TET2: variants seen among roughly 807,000 people sequenced by gnomAD.
TET2 encodes tet methylcytosine dioxygenase 2.
Under a neutral mutation model 142.9 loss-of-function variants are expected in TET2, and 299 were observed. The observed-to-expected ratio is 2.09, with a 90% CI of 1.90 to 2.30. TET2 has a LOEUF of 2.30. TET2 is among the 30% of genes most tolerant of loss of function. The pLI is 0.00. For synonymous variants in TET2, 819 were observed against 849.0 expected (o/e 0.96, Z 0.61); for missense variants, 2,418 against 2,378.0 (o/e 1.02, Z -0.35).
chr4:105,276,839 C>T lies in TET2; in HGVS notation c.*320C>T, dbSNP rs1486754240. On this transcript the variant is annotated 3_prime_UTR_variant, in exon 11 of 11. Coordinates refer to ENST00000380013, the MANE Select transcript of TET2 (RefSeq NM_001127208.3). ...GGACGAGATGATATGTAAATGTGATCCCCCCCCCCCGCTTACAACTCTACA... is the reference window on the plus strand; with the variant it reads ...GGACGAGATGATATGTAAATGTGATTCCCCCCCCCCGCTTACAACTCTACA... 6.1e-4 allele frequency: 34 copies of T among 55,854 alleles called. No homozygotes were observed. The highest frequency in any genetic ancestry group is 1.6e-3 in the African/African-American group (17 of 10,666). The allele number at this position is 55,854 out of a possible 1,614,324, so 3.5% of individuals were successfully genotyped here. A position where few individuals can be genotyped will look rare whatever the true frequency, so the allele number is the denominator to read the frequency against.
rs201304554 is a variant in TET2, at chr4:105,236,674, C to A, written c.2732C>A (p.Ala911Asp). The change falls in exon 3 of 11, where the codon GCT becomes GAT. Residue 911 changes from alanine to aspartate, a missense_variant. By Grantham distance (126) the Ala-to-Asp change is moderately radical (BLOSUM62 -2). Transcript: ENST00000380013. ...NRNQDMSGQQ[A>D]AQLAQQRYLI... ...AACCAAGATATGTCTGGTCAACAAG[C>A]TGCGCAACTTGCTCAGCAAAGGTAC... 83 of 1,614,076 alleles carry A rather than the reference C, an allele frequency of 5.1e-5. 1 individual carries two copies. The Admixed American group carries it at 1.4e-3, about 27-fold the overall frequency.
intron 2 of TET2, among the ~76,000 whole-genome samples, chr4:105,199,513 T>A (rs984817261): frequency 6.6e-6 from 1 of 152,236 alleles, no homozygotes; most frequent in Non-Finnish European, 1.5e-5. Context: ...TGGAAATCTT[T>A]TTCCATACCA....
At chr4:105,251,480 A>G (rs149162128) in intron 6 of TET2, among the ~76,000 whole-genome samples, 1 of 152,218 alleles carries the variant, frequency 6.6e-6, no homozygotes, top group Admixed American at 6.5e-5. Flanking sequence ...GGCTACATCT[A>G]ATGAAATGAT....
At chr4:105,158,261 A>G (rs977320817) in intron 1 of TET2, among the ~76,000 whole-genome samples, 3 of 151,972 alleles carry the variant, frequency 2.0e-5, no homozygotes, top group Non-Finnish European at 2.9e-5. Context: ...TTTTTTTTGC[A>G]TTGTTATAAT....
chr4:105,206,410 T>C (rs578060648), intron 2 of TET2, among the ~76,000 whole-genome samples: 11 of 152,354 alleles, frequency 7.2e-5, no homozygotes, highest in African/African-American at 2.6e-4. Context: ...GACAGTGACC[T>C]ACTGTTGAGT....
chr4:105,223,528 A>C (rs375271167), intron 2 of TET2, among the ~76,000 whole-genome samples: 1 of 152,186 alleles, frequency 6.6e-6, no homozygotes. Flanking sequence ...TAATAGATAC[A>C]GAAGATAAGA....
intron 8 of TET2, among the ~76,000 whole-genome samples, chr4:105,264,148 G>A (rs1730580097): frequency 6.7e-6 from 1 of 150,184 alleles, no homozygotes; most frequent in Non-Finnish European, 1.5e-5. Flanking sequence ...ATTAAACGAT[G>A]GTCTATTTGT....
Position 105,275,517 on chromosome 4 carries a change from GCTCAGTCTACCACCCATCCATACACT to G in TET2, c.5008_5033del (p.Ser1671ProfsTer7). On this transcript the variant is annotated frameshift_variant, in exon 11 of 11. Transcript: ENST00000380013. LOFTEE classifies it low-confidence loss of function (END_TRUNC). ...ATCCAAGCCAAGACCCTCTGTCTAA[GCTCAGTCTACCACCCATCCATACACT>G]TTACCAGCCAAGGTTTGGAAATAGC... 1 of 1,551,654 alleles carries G rather than the reference GCTCAGTCTACCACCCATCCATACACT, an allele frequency of 6.4e-7. No homozygotes were observed. Among genetic ancestry groups the G allele is most frequent in the Non-Finnish European group, 8.7e-7 (1 of 1,146,980 alleles).
chr4:105,147,219 C>T (rs142376832), intron 1 of TET2, among the ~76,000 whole-genome samples: 1 of 152,254 alleles, frequency 6.6e-6, no homozygotes, highest in East Asian at 1.9e-4. Context: ...AATGCTCGTC[C>T]CCTCATCTCC....
rs1373684909 is a variant in TET2, at chr4:105,236,616, C to G, written c.2674C>G (p.Gln892Glu). 1.2e-6 allele frequency: 2 copies of G among 1,614,090 alleles called. No homozygotes were observed. Among genetic ancestry groups the G allele is most frequent in the Non-Finnish European group, 1.7e-6 (2 of 1,180,008 alleles). ...CFQEQEQKSQ[Q>E]ASVLQGYKNR... ...TCAAGAACAGGAGCAGAAGTCACAA[C>G]AAGCTTCAGTTCTACAGGGATATAA... The change falls in exon 3 of 11, where the codon CAA becomes GAA. Residue 892 changes from glutamine (Q) to glutamate (E), a missense_variant. Gln to Glu is a conservative substitution (Grantham distance 29). Transcript: ENST00000380013.
Position 105,241,361 on chromosome 4 carries a change from A to G in TET2, c.3432A>G (p.Glu1144=), listed in dbSNP as rs777286235. 6.5e-7 allele frequency: 1 copy of G among 1,546,658 alleles called. No homozygotes were observed. The highest frequency in any genetic ancestry group is 8.7e-7 in the Non-Finnish European group (1 of 1,144,906). The change falls in exon 4 of 11, where the codon GAA becomes GAG. Residue 1144 remains glutamate (E), a synonymous_variant. Transcript: ENST00000380013. The part of the protein sequence containing the change: ...RCVEQIIEKD[E]GPFYTHLGAG... ...CAGAGCAAATTATTGAAAAAGATGA[A>G]GGTCCTTTTTATACCCATCTAGGAG...
At chr4:105,150,283 T>G (rs544415077) in intron 1 of TET2, among the ~76,000 whole-genome samples, 1 of 152,372 alleles carries the variant, frequency 6.6e-6, no homozygotes, top group Non-Finnish European at 1.5e-5. Flanking sequence ...TTAGAAAATC[T>G]TAGATCTACT....
rs745592812 is a variant in TET2, at chr4:105,235,898, G to T, written c.1956G>T (p.Gln652His). The T allele has an allele frequency of 6.2e-7, 1 of 1,613,942 alleles. No homozygotes were observed. The highest frequency in any genetic ancestry group is 1.3e-5 in the African/African-American group (1 of 74,930). ...AAGGTACAGTGGACCAACATCTCCA[G>T]TTCCAAAAACCCTCACACCAGGTGC... ...QSQGTVDQHL[Q>H]FQKPSHQVHF... Residue 652 changes from glutamine (Q) to histidine (H), a missense_variant, in exon 3 of 11, where the codon CAG (glutamine) becomes CAT (histidine). Gln to His is a conservative substitution (Grantham distance 24). Coordinates refer to ENST00000380013, the MANE Select transcript of TET2 (RefSeq NM_001127208.3).
chr4:105,206,948 C>G (rs932212660), intron 2 of TET2, among the ~76,000 whole-genome samples: 1 of 152,066 alleles, frequency 6.6e-6, no homozygotes, highest in African/African-American at 2.4e-5. Flanking sequence ...GCCAGTCTCG[C>G]AAGAACAAAA....
intron 8 of TET2, among the ~76,000 whole-genome samples, chr4:105,263,718 A>C (rs1730554112): frequency 6.6e-6 from 1 of 152,152 alleles, no homozygotes; most frequent in South Asian, 2.1e-4. Context: ...CATAGGAATG[A>C]AAGGAGGTTT....
In TET2 at chr4:105,190,468, A is replaced by ACATG. The variant is rs1397487982; in HGVS notation, c.-83_-80dup. The ACATG allele has an allele frequency of 2.8e-6, 2 of 702,168 alleles. No individual in the cohort carries two copies. The highest frequency in any genetic ancestry group is 5.2e-6 in the Non-Finnish European group (2 of 384,760). 43.5% of individuals were successfully genotyped at this position (702,168 alleles called of 1,614,324 possible). On this transcript the variant is annotated 5_prime_UTR_variant, in exon 2 of 11. It adds an upstream start codon to the 5' untranslated region. Transcript: ENST00000380013. ...GATGGGCTCAGCAGCAGCCAATAGG[A>ACATG]CATGATCCAGGAAGAGCAGTAAGGG...
intron 2 of TET2, among the ~76,000 whole-genome samples, chr4:105,206,003 T>A (rs1488286358): frequency 6.6e-6 from 1 of 152,234 alleles, no homozygotes; most frequent in Non-Finnish European, 1.5e-5. Flanking sequence ...AAAATACTGC[T>A]TAAAAGATCA....
intron 6 of TET2, among the ~76,000 whole-genome samples, chr4:105,257,436 G>T (rs1730195564): frequency 6.6e-6 from 1 of 152,096 alleles, no homozygotes; most frequent in Non-Finnish European, 1.5e-5. Context: ...GTCTTTGCTT[G>T]GTTAACTTAG....
chr4:105,164,018 C>T (rs1196657169), intron 1 of TET2, among the ~76,000 whole-genome samples: 1 of 152,114 alleles, frequency 6.6e-6, no homozygotes, highest in Non-Finnish European at 1.5e-5. Flanking sequence ...ACATGTCCAT[C>T]ACCTCTCAGT....
Sources: allele counts gnomAD v4.1 joint callset (sites outside exome capture counted in the v4.1 genomes callset), GRCh38; gene constraint gnomAD v4.1.1; transcripts MANE v1.5; gene names NCBI Gene and HGNC (gene_info 2026-07-23, HGNC 2026-07-21).